The following HSPB7 variants were observed in gnomAD, a reference collection of about 807,000 sequenced individuals.
HSPB7 encodes the protein heat shock protein family B (small) member 7, also known as heat shock protein beta-7.
HSPB7 carries 9 observed loss-of-function variants against 11.0 expected under a neutral mutation model. The observed-to-expected ratio is 0.82, with a 90% CI of 0.49 to 1.43. HSPB7 has a LOEUF of 1.43. HSPB7 is among the 40% of genes most tolerant of loss of function. The pLI, the probability that HSPB7 is intolerant of heterozygous loss-of-function variation, is 0.00. For missense variants in HSPB7, 246 were observed against 243.9 expected, an observed-to-expected ratio of 1.01 and a Z score of -0.06; for synonymous variants, 102 against 101.6, an observed-to-expected ratio of 1.00 and a Z score of -0.02.
chr1:16,018,162 C>A, upstream of HSPB7: 1 of 1,537,746 alleles, frequency 6.5e-7, no homozygotes, highest in Non-Finnish European at 8.8e-7. Context: ...GAAATCTTCT[C>A]CCGTGCGCCG....
Position 16,017,785 on chromosome 1 carries a change from G to C in HSPB7, c.179C>G (p.Ser60Trp). Residue 60 changes from serine (S) to tryptophan (W), a missense_variant, in exon 1 of 3, where the codon TCG (serine) becomes TGG (tryptophan). Transcript: ENST00000311890. ...DDFGSFMRPHSEPLAFPARPG... is the reference protein window; with the variant it reads ...DDFGSFMRPHWEPLAFPARPG... ...CTTGCCTGGGAAGGCCAGGGGCTCCGAGTGGGGCCGCATGAAGCTGCCAAA... is the reference window on the plus strand; with the variant it reads ...CTTGCCTGGGAAGGCCAGGGGCTCCCAGTGGGGCCGCATGAAGCTGCCAAA... The C allele has an allele frequency of 6.2e-7, 1 of 1,608,318 alleles. No individual in the cohort carries two copies. The highest frequency in any genetic ancestry group is 2.2e-5 in the East Asian group (1 of 44,608).
At position 16,014,933 on chromosome 1, in the gene HSPB7, T is replaced by TGATC. The variant is rs1342024265; in HGVS notation, c.*646_*647insGATC. On this transcript the variant is annotated 3_prime_UTR_variant, in exon 3 of 3. Coordinates refer to ENST00000311890, the MANE Select transcript of HSPB7 (RefSeq NM_014424.5). ...GCAGTTTATCACGAACCAGCTGTATTGGAAAAACCCCATCTATATACAGAT... is the reference window on the plus strand; with the variant it reads ...GCAGTTTATCACGAACCAGCTGTATTGATCGGAAAAACCCCATCTATATACAGAT... 3 of 152,438 alleles carry TGATC rather than the reference T, an allele frequency of 2.0e-5. No individual in the cohort carries two copies. The allele number at this position is 152,438 out of a possible 1,614,324, so 9.4% of individuals were successfully genotyped here. A position where few individuals can be genotyped will look rare whatever the true frequency, so the allele number is the denominator to read the frequency against.
At chr1:16,019,372 G>C (rs2021977289), upstream of HSPB7, 1 of 1,471,458 alleles carries the variant, frequency 6.8e-7, no homozygotes, top group East Asian at 2.5e-5. Flanking sequence ...CTGGCAGTGT[G>C]ACATAGTCTT....
At chr1:16,018,911 G>C, upstream of HSPB7, 1 of 1,224,034 alleles carries the variant, frequency 8.2e-7, no homozygotes, top group South Asian at 1.7e-5. Context: ...GAGGGTGGAG[G>C]GGCTCTTCCC....
upstream of HSPB7, chr1:16,019,058 TG>T: frequency 7.6e-7 from 1 of 1,316,482 alleles, no homozygotes; most frequent in Non-Finnish European, 1.0e-6. Flanking sequence ...CATGTGCCTA[TG>T]GAGACAGGCT....
In HSPB7 at chr1:16,015,882, C is replaced by T; in HGVS notation, c.334-123G>A. The T allele has an allele frequency of 4.1e-6, 4 of 977,980 alleles. No individual in the cohort carries two copies. The highest frequency in any genetic ancestry group is 5.9e-6 in the Non-Finnish European group (4 of 677,300). The allele number at this position is 977,980 out of a possible 1,614,324, so 60.6% of individuals were successfully genotyped here. A position where few individuals can be genotyped will look rare whatever the true frequency, so the allele number is the denominator to read the frequency against. On this transcript the variant is annotated intron_variant, in intron 2 of 2. Transcript: ENST00000311890. The surrounding 1 kb of genome is among the most constrained non-coding windows in gnomAD (Gnocchi z 4.9). ...CCCACATGCCGAGGGGCTCTGCCCT[C>T]AGGTGCCGAGGGGCTGCCCAGGGTG...
At chr1:16,019,422 A>G (rs1338107130), upstream of HSPB7, 1 of 1,548,034 alleles carries the variant, frequency 6.5e-7, no homozygotes, top group Non-Finnish European at 8.7e-7. Flanking sequence ...CTTCTTCCCT[A>G]TCCAACTGGC....
chr1:16,017,886 G>C lies in HSPB7; in HGVS notation c.78C>G (p.Thr26=), dbSNP rs755096309. The C allele has an allele frequency of 3.1e-6, 5 of 1,613,608 alleles. No individual in the cohort carries two copies. The highest frequency in any genetic ancestry group is 4.2e-6 in the Non-Finnish European group (5 of 1,179,582). The change falls in exon 1 of 3, where the codon ACC becomes ACG. Residue 26 remains threonine, a synonymous_variant. Transcript: ENST00000311890. ...HSSSSSSSSS[T]SSSASRALPA... is the part of the protein sequence containing the mutation. ...GGAGAGCACGGGAGGCCGAGGAGGA[G>C]GTGGAAGAGGAGGAGGAAGAGGAAG...
chr1:16,019,493 G>A, upstream of HSPB7: 2 of 1,525,192 alleles, frequency 1.3e-6, no homozygotes, highest in South Asian at 2.5e-5. Flanking sequence ...CTTGAAGACG[G>A]GCAGTTTCTC....
rs748908426 is a variant in HSPB7, at chr1:16,015,669, G to A, written c.424C>T (p.Arg142Trp). The change falls in exon 3 of 3, where the codon CGG becomes TGG. Residue 142 changes from arginine to tryptophan, a missense_variant. Coordinates refer to ENST00000311890, the MANE Select transcript of HSPB7 (RefSeq NM_014424.5). This position sits in a 1 kb window ranked among gnomAD's most constrained non-coding sequence, Gnocchi z 4.9. ...VDPTSVTSALREDGSLTIRAR... is the reference protein window; with the variant it reads ...VDPTSVTSALWEDGSLTIRAR... ...CGGATAGTGAGGCTGCCGTCCTCCC[G>A]CAGAGCCGAGGTCACCGACGTCGGG... 6.8e-6 allele frequency: 11 copies of A among 1,613,386 alleles called. No homozygotes were observed. Among genetic ancestry groups the A allele is most frequent in the Middle Eastern group, 1.6e-4 (1 of 6,068 alleles).
Position 16,015,420 on chromosome 1 carries a change from G to A in HSPB7, c.*160C>T. ...GGGAGTCCCTGGCCTGCCCTGGATA[G>A]AGTGGAGGGCCCTAGTTTGGGAGGA... On this transcript the variant is annotated 3_prime_UTR_variant, in exon 3 of 3. Coordinates refer to ENST00000311890, the MANE Select transcript of HSPB7 (RefSeq NM_014424.5). This position sits in a 1 kb window ranked among gnomAD's most constrained non-coding sequence, Gnocchi z 4.9. 1 of 649,034 alleles carries A rather than the reference G, an allele frequency of 1.5e-6. No homozygotes were observed. Among genetic ancestry groups the A allele is most frequent in the Non-Finnish European group, 2.7e-6 (1 of 373,144 alleles). The allele number at this position is 649,034 out of a possible 1,614,324, so 40.2% of individuals were successfully genotyped here.
chr1:16,014,899 G>C lies in HSPB7; in HGVS notation c.*681C>G. 6.6e-6 allele frequency: 1 copy of C among 152,458 alleles called. No homozygotes were observed. Among genetic ancestry groups the C allele is most frequent in the East Asian group, 1.9e-4 (1 of 5,196 alleles). The allele number at this position is 152,458 out of a possible 1,614,324, so 9.4% of individuals were successfully genotyped here. A position where few individuals can be genotyped will look rare whatever the true frequency, so the allele number is the denominator to read the frequency against. On this transcript the variant is annotated 3_prime_UTR_variant, in exon 3 of 3. Transcript: ENST00000311890. Reference sequence around the variant, plus strand: ...GGCCCCAGCAGGCGCAGGACGGCAGGAGTTTCATGCAGTTTATCACGAACC... The same window carrying C: ...GGCCCCAGCAGGCGCAGGACGGCAGCAGTTTCATGCAGTTTATCACGAACC...
At chr1:16,017,339 GCTC>G (rs2021817585) in intron 1 of HSPB7, 132 bp from the exon 2 acceptor site, 2 of 1,269,496 alleles carry the variant, frequency 1.6e-6, no homozygotes, top group Non-Finnish European at 2.2e-6. Context: ...TTCTCCCTAA[GCTC>G]CTCCTCATTC....
rs1557440614 is a variant in HSPB7, at chr1:16,017,840, C to G, written c.124G>C (p.Glu42Gln). The change falls in exon 1 of 3, where the codon GAG becomes CAG. Residue 42 changes from glutamate to glutamine, a missense_variant. By Grantham distance (29) the Glu-to-Gln change is conservative. Coordinates refer to ENST00000311890, the MANE Select transcript of HSPB7 (RefSeq NM_014424.5). ...RALPAQDPPM[E>Q]KALSMFSDDF... ...TCGGAAAACATGCTCAGGGCCTTCT[C>G]CATGGGCGGGTCCTGGGCCGGGAGA... 1.2e-6 allele frequency: 2 copies of G among 1,613,922 alleles called. No homozygotes were observed.
At chr1:16,018,970 G>T, upstream of HSPB7, 1 of 998,284 alleles carries the variant, frequency 1.0e-6, no homozygotes, top group Non-Finnish European at 1.4e-6. Context: ...GGGGCTCGCA[G>T]TTGCGTAAGT....
intron 2 of HSPB7, among the ~76,000 whole-genome samples, chr1:16,016,825 C>G (rs1355725201): frequency 6.6e-6 from 1 of 152,110 alleles, no homozygotes; most frequent in Non-Finnish European, 1.5e-5. Flanking sequence ...CTCTCCCATT[C>G]CTCGGAGGCT....
Position 16,015,792 on chromosome 1 carries a change from C to T in HSPB7, c.334-33G>A, listed in dbSNP as rs1267874450. On this transcript the variant is annotated intron_variant, in intron 2 of 2. Coordinates refer to ENST00000311890, the MANE Select transcript of HSPB7 (RefSeq NM_014424.5). The surrounding 1 kb of genome is among the most constrained non-coding windows in gnomAD (Gnocchi z 4.9). ...AGGGGTGACCCGTCAGGCAGGCTGC[C>T]CCGACCCCTGTCCTGCTTGTGACAA... The T allele has an allele frequency of 6.5e-7, 1 of 1,545,396 alleles. No homozygotes were observed. Among genetic ancestry groups the T allele is most frequent in the Non-Finnish European group, 8.7e-7 (1 of 1,144,260 alleles).
chr1:16,017,210 G>A lies in HSPB7; in HGVS notation c.200-3C>T. 6.2e-7 allele frequency: 1 copy of A among 1,612,778 alleles called. No individual in the cohort carries two copies. The highest frequency in any genetic ancestry group is 8.5e-7 in the Non-Finnish European group (1 of 1,179,038). On this transcript the variant is annotated splice_polypyrimidine_tract_variant and splice_region_variant and intron_variant, in intron 1 of 2. Transcript: ENST00000311890. ...GTTGCCTGCCCCACCGGGGCGGGCT[G>A]TGGGATGGGCTGCTGTGAGCGAGGC...
At chr1:16,019,149 G>C (rs998332500), upstream of HSPB7, 53 of 1,549,844 alleles carry the variant, frequency 3.4e-5, no homozygotes, top group Non-Finnish European at 4.3e-5. Flanking sequence ...CCTGGGCCAG[G>C]GTGGAGGCCA....
Sources: gnomAD v4.1 joint callset for allele counts (sites outside exome capture counted in the v4.1 genomes callset) on GRCh38, gnomAD v4.1.1 for gene constraint, Gnocchi (gnomAD v3.1) non-coding constraint, MANE v1.5 for transcripts, NCBI Gene and HGNC (gene_info 2026-07-23, HGNC 2026-07-21) for gene names.